TMEM94: variants seen among roughly 807,000 people sequenced by gnomAD.
The protein encoded by TMEM94 is ER Mg2+ ATPase.
In TMEM94, 81 loss-of-function variants were observed where a neutral mutation model predicts 158.6. That is an observed-to-expected ratio of 0.51 (90% confidence interval 0.43 to 0.61). TMEM94 has a LOEUF of 0.61. TMEM94 is among the 20% of genes least tolerant of loss of function. TMEM94 has a pLI of 0.00. For synonymous variants in TMEM94, 751 were observed against 730.7 expected, an observed-to-expected ratio of 1.03 and a Z score of -0.45; for missense variants, 1,435 against 1,762.0, an observed-to-expected ratio of 0.81 and a Z score of 3.32.
chr17:75,479,522 G>A (rs1165393761), intron 2 of TMEM94, among the ~76,000 whole-genome samples: 1 of 151,894 alleles, frequency 6.6e-6, no homozygotes, highest in Non-Finnish European at 1.5e-5. Flanking sequence ...GTTTCACTAT[G>A]TTGGCCAGGC....
chr17:75,494,902 G>A lies in TMEM94; in HGVS notation c.2596G>A (p.Ala866Thr). 6.2e-7 allele frequency: 1 copy of A among 1,613,586 alleles called. No homozygotes were observed. Among genetic ancestry groups the A allele is most frequent in the Non-Finnish European group, 8.5e-7 (1 of 1,180,010 alleles). ...LEDELKSKVF[A>T]EKMGLETGWN... ...GGCCGTCTGCCTTTCACAGGTGTTT[G>A]CAGAAAAAATGGGCCTGGAGACAGG... Residue 866 changes from alanine (A) to threonine (T), a missense_variant, in exon 20 of 32, where the codon GCA becomes ACA. Transcript: ENST00000314256.
At position 75,499,055 on chromosome 17, in the gene TMEM94, A is replaced by G. The variant is rs1423539573; in HGVS notation, c.3971A>G (p.Asn1324Ser). 17 of 1,595,038 alleles carry G rather than the reference A, an allele frequency of 1.1e-5. No homozygotes were observed. The highest frequency in any genetic ancestry group is 1.5e-5 in the Non-Finnish European group (17 of 1,171,496). The change falls in exon 31 of 32, where the codon AAT becomes AGT. Residue 1324 changes from asparagine (N) to serine (S), a missense_variant. By Grantham distance (46) the Asn-to-Ser change is conservative. Transcript: ENST00000314256. The part of the protein sequence containing the change: ...CLSLVLVVVT[N>S]EIVKLHEIRV... Reference sequence around the variant, plus strand: ...TCCCTGGTCCTTGTGGTGGTGACCAATGAGATCGTGAAGCTACATGAGATT... The same window carrying G: ...TCCCTGGTCCTTGTGGTGGTGACCAGTGAGATCGTGAAGCTACATGAGATT...
At chr17:75,469,820 A>G (rs781597805) in intron 1 of TMEM94, among the ~76,000 whole-genome samples, 1 of 151,926 alleles carries the variant, frequency 6.6e-6, no homozygotes, top group Non-Finnish European at 1.5e-5. Context: ...AAAAATGCCA[A>G]TAAATCCTTT....
At position 75,485,424 on chromosome 17, in the gene TMEM94, G is replaced by A; in HGVS notation, c.25-4G>A. 1 of 1,608,834 alleles carries A rather than the reference G, an allele frequency of 6.2e-7. No homozygotes were observed. The highest frequency in any genetic ancestry group is 1.7e-4 in the Middle Eastern group (1 of 5,954). ...GACGCCCAGCGCCTCCTGCTTGCCT[G>A]CAGGGCGAGCCTCCCTCAGCCCTGG... On this transcript the variant is annotated splice_region_variant and splice_polypyrimidine_tract_variant and intron_variant, in intron 2 of 31. Transcript: ENST00000314256. This position sits in a 1 kb window ranked among gnomAD's most constrained non-coding sequence, Gnocchi z 5.5.
chr17:75,488,721 GAC>G (rs760727911), intron 6 of TMEM94, 36 bp from the exon 7 acceptor site: 38,785 of 1,610,982 alleles, frequency 0.024, 573 homozygotes, highest in Non-Finnish European at 0.028. Flanking sequence ...CCTCTGATAG[GAC>G]CCTCTCGTTC....
Position 75,487,818 on chromosome 17 carries a change from C to G in TMEM94, c.410-114C>G, listed in dbSNP as rs2051750725. On this transcript the variant is annotated intron_variant, in intron 5 of 31. Coordinates refer to ENST00000314256, the MANE Select transcript of TMEM94 (RefSeq NM_014738.6). This position sits in a 1 kb window ranked among gnomAD's most constrained non-coding sequence, Gnocchi z 4.6. Reference sequence around the variant, plus strand: ...TTGGAACGAGTGGAGGGGTTTGACGCAGACCTCCTGGGAGAGGAAGTGGGC... The same window carrying G: ...TTGGAACGAGTGGAGGGGTTTGACGGAGACCTCCTGGGAGAGGAAGTGGGC... 1 of 848,484 alleles carries G rather than the reference C, an allele frequency of 1.2e-6. No individual in the cohort carries two copies. The highest frequency in any genetic ancestry group is 1.9e-6 in the Non-Finnish European group (1 of 524,182). 52.6% of individuals were successfully genotyped at this position (848,484 alleles called of 1,614,324 possible). A position where few individuals can be genotyped will look rare whatever the true frequency, so the allele number is the denominator to read the frequency against.
intron 31 of TMEM94, 27 bp downstream of exon 31, chr17:75,499,109 C>T (rs1001563344): frequency 3.2e-6 from 5 of 1,574,566 alleles, no homozygotes; most frequent in Non-Finnish European, 3.5e-6. Context: ...GCGCCTCCCT[C>T]TGGGCTCAGG....
intron 2 of TMEM94, among the ~76,000 whole-genome samples, chr17:75,482,663 C>CT (rs1486705726): frequency 6.6e-6 from 1 of 152,168 alleles, no homozygotes; most frequent in Admixed American, 6.5e-5. Context: ...GCTGTGGTGT[C>CT]TAAGATTTTG....
chr17:75,484,689 G>A (rs187476982), intron 2 of TMEM94, among the ~76,000 whole-genome samples: 27 of 151,844 alleles, frequency 1.8e-4, no homozygotes, highest in Admixed American at 1.2e-3. Context: ...GAGCCACCAC[G>A]CCTGGCCAAA....
chr17:75,460,447 A>G (rs2050026240), intron 1 of TMEM94, among the ~76,000 whole-genome samples: 1 of 152,188 alleles, frequency 6.6e-6, no homozygotes, highest in Admixed American at 6.6e-5. Context: ...TTGACGTGAA[A>G]GCCAAGTAGG....
At chr17:75,472,201 A>T (rs530717163) in intron 2 of TMEM94, among the ~76,000 whole-genome samples, 1 of 152,268 alleles carries the variant, frequency 6.6e-6, no homozygotes, top group East Asian at 1.9e-4. Context: ...CCAGTCTTCC[A>T]CTTCTTGCCC....
At chr17:75,465,743 T>C (rs1470802185) in intron 1 of TMEM94, among the ~76,000 whole-genome samples, 1 of 150,244 alleles carries the variant, frequency 6.7e-6, no homozygotes, top group Admixed American at 6.6e-5. Context: ...TTTGGTATGT[T>C]GCTCAGGCTA....
chr17:75,464,637 T>C (rs958098881), intron 1 of TMEM94, among the ~76,000 whole-genome samples: 1 of 102,622 alleles, frequency 9.7e-6, no homozygotes, highest in East Asian at 2.6e-4. Context: ...CCTTCCTTCC[T>C]TCCTTCCTTC....
chr17:75,458,950 G>A, intron 1 of TMEM94, among the ~76,000 whole-genome samples: 1 of 151,390 alleles, frequency 6.6e-6, no homozygotes, highest in South Asian at 2.1e-4. Flanking sequence ...CCAGCTACTT[G>A]GGAGGCTGAG....
Position 75,491,208 on chromosome 17 carries a change from G to A in TMEM94, c.1233+55G>A. On this transcript the variant is annotated intron_variant, in intron 12 of 31. Transcript: ENST00000314256. The surrounding 1 kb of genome is among the most constrained non-coding windows in gnomAD (Gnocchi z 5.1). ...ACTGTCATGCCCGCCCTGCTCTCTG[G>A]CTGGGCCTGGGCTGCCCACCTGCCG... The A allele has an allele frequency of 3.1e-6, 5 of 1,595,774 alleles. No individual in the cohort carries two copies. Among genetic ancestry groups the A allele is most frequent in the Non-Finnish European group, 4.3e-6 (5 of 1,168,652 alleles).
chr17:75,465,679 A>ATTTTTTTTTTTTTTTTTTTTT (rs66618031), intron 1 of TMEM94, among the ~76,000 whole-genome samples: 3 of 124,812 alleles, frequency 2.4e-5, no homozygotes, highest in African/African-American at 7.0e-5. Flanking sequence ...ATATATATAT[A>ATTTTTTTTTTTTTTTTTTTTT]TTTTTTTTTA....
chr17:75,477,815 CCTGGCCAA>C (rs1342973408), intron 2 of TMEM94, among the ~76,000 whole-genome samples: 1 of 151,042 alleles, frequency 6.6e-6, no homozygotes, highest in African/African-American at 2.4e-5. Context: ...TTGAGACCAG[CCTGGCCAA>C]CATAGTGAAA....
At position 75,491,671 on chromosome 17, in the gene TMEM94, G is replaced by A. The variant is rs781644130; in HGVS notation, c.1387-20G>A. 1 of 1,612,748 alleles carries A rather than the reference G, an allele frequency of 6.2e-7. No individual in the cohort carries two copies. Among genetic ancestry groups the A allele is most frequent in the East Asian group, 2.2e-5 (1 of 44,864 alleles). ...CCATGGGAGCCACTGGTCCTAGCCT[G>A]TGCTCCTCATTCTCTTCAGCCCCAT... On this transcript the variant is annotated intron_variant, in intron 13 of 31. Coordinates refer to ENST00000314256, the MANE Select transcript of TMEM94 (RefSeq NM_014738.6). The surrounding 1 kb of genome is among the most constrained non-coding windows in gnomAD (Gnocchi z 5.1).
chr17:75,491,025 T>C lies in TMEM94; in HGVS notation c.1129-24T>C. 3 of 1,571,180 alleles carry C rather than the reference T, an allele frequency of 1.9e-6. No homozygotes were observed. The highest frequency in any genetic ancestry group is 2.6e-6 in the Non-Finnish European group (3 of 1,150,178). ...AATGAGGCTGAGCCCTAAATGGCCT[T>C]GCAGACTTCCTCTCTCCCACCAGGA... is the stretch of plus-strand genomic sequence containing the variant. On this transcript the variant is annotated intron_variant, in intron 11 of 31. Transcript: ENST00000314256. The surrounding 1 kb of genome is among the most constrained non-coding windows in gnomAD (Gnocchi z 5.1).
Sources: allele counts gnomAD v4.1 joint callset (sites outside exome capture counted in the v4.1 genomes callset), GRCh38; gene constraint gnomAD v4.1.1; non-coding constraint Gnocchi (gnomAD v3.1); transcripts MANE v1.5; gene names NCBI Gene and HGNC (gene_info 2026-07-23, HGNC 2026-07-21).